The following DENND1A variants were observed in gnomAD, a reference collection of about 807,000 sequenced individuals.
DENND1A encodes DENN domain-containing protein 1A.
DENND1A carries 51 observed loss-of-function variants against 113.7 expected under a neutral mutation model. The ratio of observed to expected loss-of-function variants is 0.45; its 90% CI spans 0.36 to 0.57. The LOEUF is 0.57. DENND1A is among the 20% of genes least tolerant of loss of function. DENND1A has a pLI of 0.00. For synonymous variants in DENND1A, 565 were observed against 570.8 expected (o/e 0.99, Z 0.14); for missense variants, 1,258 against 1,395.9 (o/e 0.90, Z 1.57).
intron 2 of DENND1A, among the ~76,000 whole-genome samples, chr9:123,862,787 A>T (rs1276182589): frequency 6.6e-6 from 1 of 152,206 alleles, no homozygotes; most frequent in African/African-American, 2.4e-5. Context: ...AGAGAGTAGT[A>T]TTAACTGGTC....
chr9:123,406,425 C>G (rs1476646564), intron 20 of DENND1A, among the ~76,000 whole-genome samples: 1 of 152,216 alleles, frequency 6.6e-6, no homozygotes, highest in African/African-American at 2.4e-5. Flanking sequence ...CCCTTCTTGT[C>G]AACAACAAAA....
At position 123,536,327 on chromosome 9, in the gene DENND1A, G is replaced by A. The variant is rs184201057; in HGVS notation, c.993+21243C>T. Among the ~76,000 whole-genome samples, 23 of 152,056 alleles carry A rather than the reference G, an allele frequency of 1.5e-4. No individual in the cohort carries two copies. In the East Asian group the frequency reaches 3.3e-3, roughly 22 times the overall value. On this transcript the variant is annotated intron_variant, in intron 13 of 23. Coordinates refer to ENST00000394215, the MANE Select transcript of DENND1A (RefSeq NM_001352964.2). ...TCTACTAAAAATACAAAAATTAGCC[G>A]GGCGTGGTGGCACATGCCTGTAGTC...
intron 3 of DENND1A, among the ~76,000 whole-genome samples, chr9:123,782,616 G>A (rs907101141): frequency 2.6e-5 from 4 of 152,162 alleles, no homozygotes; most frequent in African/African-American, 9.7e-5. Context: ...GTATAAAGTG[G>A]TTTAGGTTTT....
At chr9:123,516,916 A>AAAAAAAAAAAAAAC (rs2053974546) in intron 13 of DENND1A, among the ~76,000 whole-genome samples, 1 of 143,326 alleles carries the variant, frequency 7.0e-6, no homozygotes, top group African/African-American at 2.7e-5. Context: ...AAAAAAAAAA[A>AAAAAAAAAAAAAAC]AAAGAACGGA....
At chr9:123,655,152 G>A (rs1369801576) in intron 8 of DENND1A, among the ~76,000 whole-genome samples, 1 of 152,148 alleles carries the variant, frequency 6.6e-6, no homozygotes, top group African/African-American at 2.4e-5. Context: ...CTCCTCCCGG[G>A]AGACTTCCTC....
chr9:123,512,334 T>C (rs2053527211), intron 13 of DENND1A, among the ~76,000 whole-genome samples: 1 of 152,218 alleles, frequency 6.6e-6, no homozygotes, highest in Non-Finnish European at 1.5e-5. Flanking sequence ...CGCCTTGTGC[T>C]GGCTTCGAGG....
chr9:123,574,337 C>T (rs1354082861), intron 12 of DENND1A, among the ~76,000 whole-genome samples: 1 of 151,716 alleles, frequency 6.6e-6, no homozygotes, highest in African/African-American at 2.4e-5. Context: ...TAGAATTCAC[C>T]AGGGAGGCTC....
chr9:123,442,046 A>C, intron 18 of DENND1A, among the ~76,000 whole-genome samples: 1 of 152,246 alleles, frequency 6.6e-6, no homozygotes, highest in East Asian at 1.9e-4. Context: ...TAAAGGAGAC[A>C]GATAATACAA....
At chr9:123,386,403 G>T (rs2042566399) in intron 22 of DENND1A, among the ~76,000 whole-genome samples, 1 of 131,096 alleles carries the variant, frequency 7.6e-6, no homozygotes, top group Admixed American at 7.8e-5. Flanking sequence ...TTTTTTAAAG[G>T]CAGAGTCTCG....
At chr9:123,870,017 A>G (rs1383247988) in intron 2 of DENND1A, among the ~76,000 whole-genome samples, 1 of 151,782 alleles carries the variant, frequency 6.6e-6, no homozygotes, top group Non-Finnish European at 1.5e-5. Context: ...AAAAAAAAAA[A>G]AAAAAAAGAA....
chr9:123,918,298 C>T (rs1208993572), intron 1 of DENND1A, among the ~76,000 whole-genome samples: 2 of 150,880 alleles, frequency 1.3e-5, no homozygotes, highest in African/African-American at 4.9e-5. Context: ...ACCATCCTGG[C>T]TAACACGGTG....
intron 13 of DENND1A, among the ~76,000 whole-genome samples, chr9:123,503,970 T>C (rs1303653358): frequency 6.6e-6 from 1 of 152,216 alleles, no homozygotes; most frequent in African/African-American, 2.4e-5. Context: ...GCTCTTTTTA[T>C]TCAAAGAATA....
chr9:123,556,515 C>T (rs2057424144), intron 13 of DENND1A, among the ~76,000 whole-genome samples: 1 of 152,250 alleles, frequency 6.6e-6, no homozygotes. Context: ...CATTGTCTCA[C>T]ATCCCCTCAT....
At chr9:123,870,071 C>A (rs1846320852) in intron 2 of DENND1A, among the ~76,000 whole-genome samples, 1 of 150,152 alleles carries the variant, frequency 6.7e-6, no homozygotes, top group East Asian at 1.9e-4. Flanking sequence ...TTCACTTTCA[C>A]TGGAAAATGC....
intron 13 of DENND1A, among the ~76,000 whole-genome samples, chr9:123,506,700 G>A (rs1187476098): frequency 6.6e-6 from 1 of 151,712 alleles, no homozygotes; most frequent in Non-Finnish European, 1.5e-5. Context: ...TCACAAACGA[G>A]GAAATAGGCT....
At chr9:123,793,214 T>G (rs1297816625) in intron 2 of DENND1A, among the ~76,000 whole-genome samples, 1 of 152,164 alleles carries the variant, frequency 6.6e-6, no homozygotes, top group African/African-American at 2.4e-5. Context: ...AAACAAAATA[T>G]GAAAAAATTA....
At chr9:123,588,912 C>T (rs1175159475) in intron 11 of DENND1A, among the ~76,000 whole-genome samples, 4 of 151,810 alleles carry the variant, frequency 2.6e-5, no homozygotes, top group African/African-American at 2.4e-5. Flanking sequence ...GGATTACAGG[C>T]GCATGCCACC....
chr9:123,890,954 C>G (rs1849817077), intron 1 of DENND1A, among the ~76,000 whole-genome samples: 2 of 152,114 alleles, frequency 1.3e-5, no homozygotes, highest in Non-Finnish European at 2.9e-5. Context: ...CCCTATTCCA[C>G]TAATTTTTTT....
rs557711475 is a variant in DENND1A, at chr9:123,419,957, C to T, written c.1489-8128G>A. 1.3e-4 allele frequency among the ~76,000 whole-genome samples: 20 copies of T among 152,290 alleles called. 1 individual carries two copies. The highest frequency in any genetic ancestry group is 4.1e-4 in the South Asian group (2 of 4,830). On this transcript the variant is annotated intron_variant, in intron 19 of 23. Transcript: ENST00000394215. ...AAGACCAGGCCCTGGTGTCACGTAGCGTACAGCATGCTCCTTGCCTGAGCC... is the reference window on the plus strand; with the variant it reads ...AAGACCAGGCCCTGGTGTCACGTAGTGTACAGCATGCTCCTTGCCTGAGCC...
Sources: allele counts gnomAD v4.1 joint callset (sites outside exome capture counted in the v4.1 genomes callset), GRCh38; gene constraint gnomAD v4.1.1; transcripts MANE v1.5; gene names NCBI Gene and HGNC (gene_info 2026-07-23, HGNC 2026-07-21).